The following GLG1 variants were observed in gnomAD, a reference collection of about 807,000 sequenced individuals.
GLG1 encodes Golgi apparatus protein 1.
In GLG1, 38 loss-of-function variants were observed where a neutral mutation model predicts 160.5. The ratio of observed to expected loss-of-function variants is 0.24; its 90% CI spans 0.18 to 0.31. The LOEUF (loss-of-function observed/expected upper bound fraction) is 0.31, where lower values mean the gene tolerates loss of function less well. Among genes scored for constraint, GLG1 ranks in the 10% least tolerant of loss-of-function variants. The pLI, the probability that GLG1 is intolerant of heterozygous loss-of-function variation, is 1.00. For missense variants in GLG1, 1,373 were observed against 1,505.2 expected (o/e 0.91, Z 1.45); for synonymous variants, 644 against 543.4 (o/e 1.19, Z -2.57).
intron 2 of GLG1, among the ~76,000 whole-genome samples, chr16:74,531,387 C>T (rs564901208): frequency 5.4e-4 from 82 of 152,324 alleles, no homozygotes; most frequent in African/African-American, 2.0e-3. Flanking sequence ...GGCACCATCT[C>T]GGCTCAATGA....
At chr16:74,598,544 A>T (rs937634044) in intron 1 of GLG1, among the ~76,000 whole-genome samples, 6 of 150,930 alleles carry the variant, frequency 4.0e-5, no homozygotes, top group African/African-American at 1.5e-4. Context: ...AAAAGAAAGA[A>T]GAAAAATTAA....
rs78795115 is a variant in GLG1, at chr16:74,450,268, T to C, written c.*2899A>G. The C allele has an allele frequency of 0.011, 1,613 of 152,340 alleles. 55 individuals are homozygous for C. Among genetic ancestry groups the C allele is most frequent in the East Asian group, 0.073 (377 of 5,172 alleles). 9.4% of individuals were successfully genotyped at this position (152,340 alleles called of 1,614,324 possible). ...TCCACTCACATCCACAGAAGGGTCA[T>C]TGTTTCTTTTCTTGACCATTTCTCA... is the stretch of plus-strand genomic sequence containing the variant. On this transcript the variant is annotated 3_prime_UTR_variant, in exon 26 of 26. Coordinates refer to ENST00000422840, the MANE Select transcript of GLG1 (RefSeq NM_001145667.2).
chr16:74,465,544 G>A, intron 19 of GLG1, 132 bp downstream of exon 19: 1 of 864,546 alleles, frequency 1.2e-6, no homozygotes, highest in Non-Finnish European at 1.8e-6. Context: ...CAGGCTCCCA[G>A]GGGGTGCTGC....
intron 1 of GLG1, among the ~76,000 whole-genome samples, chr16:74,588,920 A>G (rs1958110592): frequency 6.6e-6 from 1 of 152,050 alleles, no homozygotes; most frequent in Non-Finnish European, 1.5e-5. Flanking sequence ...TGTTAGACCA[A>G]TATCCTTTTT....
intron 1 of GLG1, among the ~76,000 whole-genome samples, chr16:74,583,563 A>T (rs941189722): frequency 1.3e-5 from 2 of 152,140 alleles, no homozygotes; most frequent in Non-Finnish European, 2.9e-5. Context: ...CATTTTTAGC[A>T]GAGGCAGGGT....
In GLG1 at chr16:74,530,049, T is replaced by TCCA. The variant is rs756163146; in HGVS notation, c.471+2069_471+2071dup. ...GTCTCAAACTCCCGACCTCAGGTGA[T>TCCA]CCACCCAGCCTTCCAAAATTCTGGG... is the stretch of plus-strand genomic sequence containing the variant. On this transcript the variant is annotated intron_variant, in intron 2 of 25. Coordinates refer to ENST00000422840, the MANE Select transcript of GLG1 (RefSeq NM_001145667.2). Among the ~76,000 whole-genome samples the TCCA allele has an allele frequency of 2.0e-3, 305 of 152,084 alleles. 2 individuals are homozygous for TCCA. The highest frequency in any genetic ancestry group is 2.1e-3 in the Non-Finnish European group (142 of 67,994).
chr16:74,563,534 G>A (rs1469336759), intron 1 of GLG1, among the ~76,000 whole-genome samples: 2 of 152,086 alleles, frequency 1.3e-5, no homozygotes, highest in Non-Finnish European at 2.9e-5. Flanking sequence ...TTCAAGACCA[G>A]CCTGGTCAAA....
At chr16:74,507,428 T>C (rs888909070) in intron 3 of GLG1, among the ~76,000 whole-genome samples, 1 of 152,148 alleles carries the variant, frequency 6.6e-6, no homozygotes, top group African/African-American at 2.4e-5. Context: ...ATCTCTCCAA[T>C]GTGTTTTTTA....
At chr16:74,599,937 GC>G (rs1567550414) in intron 1 of GLG1, among the ~76,000 whole-genome samples, 1 of 151,810 alleles carries the variant, frequency 6.6e-6, no homozygotes, top group Admixed American at 6.6e-5. Context: ...GAGAGGTGGA[GC>G]CAGGAGAATC....
At chr16:74,520,107 TCTC>T (rs1334600681) in intron 2 of GLG1, among the ~76,000 whole-genome samples, 1 of 152,180 alleles carries the variant, frequency 6.6e-6, no homozygotes, top group Non-Finnish European at 1.5e-5. Flanking sequence ...GAAATGTAAA[TCTC>T]CTCTCAAAAT....
chr16:74,567,399 G>C (rs1248898364), intron 1 of GLG1, among the ~76,000 whole-genome samples: 1 of 152,024 alleles, frequency 6.6e-6, no homozygotes, highest in Non-Finnish European at 1.5e-5. Flanking sequence ...AAATTGACAG[G>C]TATCTCTTTA....
At chr16:74,525,971 C>G (rs181519616) in intron 2 of GLG1, among the ~76,000 whole-genome samples, 2 of 152,048 alleles carry the variant, frequency 1.3e-5, no homozygotes, top group Non-Finnish European at 2.9e-5. Context: ...GCCTGGGCCA[C>G]AGAGCAAGAC....
intron 4 of GLG1, among the ~76,000 whole-genome samples, chr16:74,501,211 C>CT (rs950928686): frequency 6.6e-6 from 1 of 152,190 alleles, no homozygotes; most frequent in Non-Finnish European, 1.5e-5. Flanking sequence ...ATGCCTCCCT[C>CT]TTTTTTAAAT....
At chr16:74,598,905 AAT>A (rs959872551) in intron 1 of GLG1, among the ~76,000 whole-genome samples, 8 of 150,170 alleles carry the variant, frequency 5.3e-5, no homozygotes, top group Admixed American at 6.7e-5. Context: ...CAAATATATA[AAT>A]ATATATATAT....
Position 74,496,442 on chromosome 16 carries a change from T to C in GLG1, c.977A>G (p.Asn326Ser). 2 of 1,606,814 alleles carry C rather than the reference T, an allele frequency of 1.2e-6. No homozygotes were observed. Among genetic ancestry groups the C allele is most frequent in the Non-Finnish European group, 1.7e-6 (2 of 1,173,442 alleles). The change falls in exon 5 of 26, where the codon AAT becomes AGT. Residue 326 changes from asparagine (N) to serine (S), a missense_variant and splice_region_variant. Asn to Ser is a conservative substitution (Grantham distance 46, BLOSUM62 1). Coordinates refer to ENST00000422840, the MANE Select transcript of GLG1 (RefSeq NM_001145667.2). The stretch of plus-strand genomic sequence containing the variant: ...AGAACAGTTTCTGAGCTGACTCACA[T>C]TTTCACAAAAACGCTCCCGATCATC... Reference protein sequence around the residue: ...CRDDRERFCENTQAGEGRVYK... With the variant: ...CRDDRERFCESTQAGEGRVYK...
chr16:74,498,058 G>T (rs185149609), intron 4 of GLG1, among the ~76,000 whole-genome samples: 2 of 152,098 alleles, frequency 1.3e-5, no homozygotes, highest in East Asian at 3.9e-4. Context: ...TTCTATTCAA[G>T]AGTCCTAATC....
chr16:74,558,227 C>T (rs2018405483), intron 1 of GLG1, among the ~76,000 whole-genome samples: 1 of 152,152 alleles, frequency 6.6e-6, no homozygotes, highest in Admixed American at 6.6e-5. Context: ...GGCTCACCAA[C>T]ATTTCACTTT....
intron 1 of GLG1, among the ~76,000 whole-genome samples, chr16:74,574,264 C>T (rs1224893766): frequency 2.0e-5 from 3 of 152,188 alleles, no homozygotes; most frequent in Non-Finnish European, 4.4e-5. Flanking sequence ...CAGTTGCAAG[C>T]ATCCAAGAAA....
chr16:74,523,586 T>A (rs2017241067), intron 2 of GLG1, among the ~76,000 whole-genome samples: 1 of 152,176 alleles, frequency 6.6e-6, no homozygotes, highest in Non-Finnish European at 1.5e-5. Context: ...CATTTATTTA[T>A]TTAAAGGCCT....
Sources: gnomAD v4.1 joint callset for allele counts (sites outside exome capture counted in the v4.1 genomes callset) on GRCh38, gnomAD v4.1.1 for gene constraint, MANE v1.5 for transcripts, NCBI Gene and HGNC (gene_info 2026-07-23, HGNC 2026-07-21) for gene names.